The following GRM7 variants were observed in gnomAD, a reference collection of about 807,000 sequenced individuals.
GRM7 encodes metabotropic glutamate receptor 7.
In GRM7, 35 loss-of-function variants were observed where a neutral mutation model predicts 84.5. That is an observed-to-expected ratio of 0.41 (90% CI 0.32 to 0.55). The LOEUF is 0.55. GRM7 is among the 20% of genes least tolerant of loss of function. The pLI is 0.19. For synonymous variants in GRM7, 487 were observed against 455.1 expected (o/e 1.07, Z -0.89); for missense variants, 1,003 against 1,194.6 (o/e 0.84, Z 2.36).
intron 1 of GRM7, among the ~76,000 whole-genome samples, chr3:7,020,908 A>G (rs1695753549): frequency 6.6e-6 from 1 of 152,164 alleles, no homozygotes; most frequent in Non-Finnish European, 1.5e-5. Context: ...CAAGTTACAT[A>G]ATGTAAAGCG....
At chr3:7,049,641 A>G (rs973880436) in intron 1 of GRM7, among the ~76,000 whole-genome samples, 1 of 151,948 alleles carries the variant, frequency 6.6e-6, no homozygotes, top group African/African-American at 2.4e-5. Flanking sequence ...GTATCCTGAG[A>G]AAAGCGTTCG....
intron 1 of GRM7, among the ~76,000 whole-genome samples, chr3:7,145,366 G>A (rs989471957): frequency 1.3e-5 from 2 of 152,082 alleles, no homozygotes; most frequent in Non-Finnish European, 2.9e-5. Context: ...ACAAAGAAGG[G>A]AACAAATGTT....
chr3:6,925,800 A>G (rs1697279153), intron 1 of GRM7, among the ~76,000 whole-genome samples: 1 of 152,182 alleles, frequency 6.6e-6, no homozygotes, highest in Non-Finnish European at 1.5e-5. Flanking sequence ...TGGAACTGGA[A>G]TGAAAAATAT....
intron 1 of GRM7, among the ~76,000 whole-genome samples, chr3:7,081,068 G>T (rs926113850): frequency 5.9e-5 from 9 of 151,950 alleles, no homozygotes; most frequent in African/African-American, 2.2e-4. Context: ...CCCCCTTGTT[G>T]TCTCCCCTCG....
rs944810085 is a variant in GRM7 at position 7,644,019 on chromosome 3, T to TAC, written c.2452-36015_2452-36014dup. Among the ~76,000 whole-genome samples, 679 of 88,956 alleles carry TAC rather than the reference T, an allele frequency of 7.6e-3. 8 individuals are homozygous for TAC. Among genetic ancestry groups the TAC allele is most frequent in the African/African-American group, 0.029 (645 of 22,420 alleles). 58.4% of individuals were successfully genotyped at this position (88,956 alleles called of 152,430 possible). On this transcript the variant is annotated intron_variant, in intron 8 of 9. Transcript: ENST00000357716. ...TGTGTGCACCATGTATATATATATA[T>TAC]ACACACACACACACACCATATATAA...
At chr3:7,590,250 C>T (rs1432323009) in intron 8 of GRM7, among the ~76,000 whole-genome samples, 1 of 152,160 alleles carries the variant, frequency 6.6e-6, no homozygotes, top group African/African-American at 2.4e-5. Flanking sequence ...TCATTGCCTC[C>T]TGCCACTATT....
At chr3:7,275,625 A>G (rs1041346151) in intron 2 of GRM7, among the ~76,000 whole-genome samples, 3 of 152,098 alleles carry the variant, frequency 2.0e-5, no homozygotes, top group Non-Finnish European at 4.4e-5. Flanking sequence ...TTCCTTCCCC[A>G]ACTAGGTGAG....
intron 8 of GRM7, among the ~76,000 whole-genome samples, chr3:7,603,801 T>A (rs554336228): frequency 2.7e-4 from 41 of 152,180 alleles, no homozygotes; most frequent in African/African-American, 9.9e-4. Context: ...TGTTAATACA[T>A]GTTTAAGATT....
chr3:6,898,756 T>G (rs1002234767), intron 1 of GRM7, among the ~76,000 whole-genome samples: 2 of 151,756 alleles, frequency 1.3e-5, no homozygotes, highest in Non-Finnish European at 2.9e-5. Context: ...GGAAGATCAC[T>G]TGAGCCCAGG....
intron 4 of GRM7, among the ~76,000 whole-genome samples, chr3:7,373,470 A>G (rs941894754): frequency 9.9e-5 from 15 of 152,172 alleles, no homozygotes; most frequent in Non-Finnish European, 2.9e-5. Context: ...TAGCTTCTTT[A>G]TCAGTCTTCT....
intron 1 of GRM7, among the ~76,000 whole-genome samples, chr3:7,097,913 C>A (rs1346702129): frequency 6.6e-6 from 1 of 152,112 alleles, no homozygotes; most frequent in Non-Finnish European, 1.5e-5. Context: ...TAGGAATCCA[C>A]TGAATCTCGT....
At chr3:7,020,832 A>G (rs1056960288) in intron 1 of GRM7, among the ~76,000 whole-genome samples, 3 of 152,174 alleles carry the variant, frequency 2.0e-5, no homozygotes, top group African/African-American at 7.2e-5. Flanking sequence ...AATAAGATGC[A>G]ATCTCTTGTC....
chr3:7,260,673 T>TTGTGTGTGTGTGTG (rs71063292), intron 2 of GRM7, among the ~76,000 whole-genome samples: 23,293 of 144,130 alleles, frequency 0.16, 2,189 homozygotes, highest in South Asian at 0.23. Flanking sequence ...TTCTTTTGAA[T>TTGTGTGTGTGTGTG]TGTGTGTGTG....
At chr3:7,402,718 C>A (rs1419188487) in intron 4 of GRM7, among the ~76,000 whole-genome samples, 1 of 151,148 alleles carries the variant, frequency 6.6e-6, no homozygotes, top group Non-Finnish European at 1.5e-5. Flanking sequence ...AACATTTCTT[C>A]TTTTGATTTA....
intron 1 of GRM7, among the ~76,000 whole-genome samples, chr3:7,065,887 TCATGTAAATA>T (rs1396193026): frequency 1.3e-5 from 2 of 151,792 alleles, no homozygotes; most frequent in African/African-American, 4.8e-5. Flanking sequence ...ACCTTCATAA[TCATGTAAATA>T]CATGGAAATT....
chr3:7,281,690 C>T (rs1221927348), intron 2 of GRM7, among the ~76,000 whole-genome samples: 1 of 152,046 alleles, frequency 6.6e-6, no homozygotes, highest in Non-Finnish European at 1.5e-5. Context: ...TTGTCATGCT[C>T]AATATAAACA....
At chr3:7,248,483 CT>C (rs546267511) in intron 2 of GRM7, among the ~76,000 whole-genome samples, 35 of 152,108 alleles carry the variant, frequency 2.3e-4, no homozygotes, top group African/African-American at 8.4e-4. Context: ...AAGAAAGGGA[CT>C]TTTTTGGATG....
At chr3:7,336,747 G>A (rs189435420) in intron 4 of GRM7, among the ~76,000 whole-genome samples, 2 of 151,518 alleles carry the variant, frequency 1.3e-5, no homozygotes, top group East Asian at 3.9e-4. Context: ...TATACACCAA[G>A]AGCGACCAAG....
At chr3:6,906,452 T>C (rs920510612) in intron 1 of GRM7, among the ~76,000 whole-genome samples, 3 of 152,212 alleles carry the variant, frequency 2.0e-5, no homozygotes, top group African/African-American at 7.2e-5. Context: ...ACTCAGATTT[T>C]TGGCTTCTAT....
Sources: gnomAD v4.1 joint callset for allele counts (sites outside exome capture counted in the v4.1 genomes callset) on GRCh38, gnomAD v4.1.1 for gene constraint, MANE v1.5 for transcripts, NCBI Gene and HGNC (gene_info 2026-07-23, HGNC 2026-07-21) for gene names.